The following PTPRN2 variants were observed in gnomAD, a reference collection of about 807,000 sequenced individuals.
PTPRN2 encodes receptor-type tyrosine-protein phosphatase N2.
PTPRN2 carries 74 observed loss-of-function variants against 118.8 expected under a neutral mutation model. The observed-to-expected ratio is 0.62, with a 90% CI of 0.52 to 0.76. PTPRN2 has a LOEUF of 0.76. PTPRN2 is among the 30% of genes least tolerant of loss of function. The probability of loss-of-function intolerance (pLI) is 0.00; values close to 1 mark genes in which losing one functional copy is unlikely to be tolerated. For missense variants in PTPRN2, 1,481 were observed against 1,394.4 expected, an observed-to-expected ratio of 1.06 and a Z score of -0.99; for synonymous variants, 641 against 608.0, an observed-to-expected ratio of 1.05 and a Z score of -0.80.
intron 3 of PTPRN2, among the ~76,000 whole-genome samples, chr7:158,315,829 CAAAG>C (rs1172559661): frequency 6.6e-6 from 1 of 152,224 alleles, no homozygotes; most frequent in African/African-American, 2.4e-5. Flanking sequence ...GAATGTTCTC[CAAAG>C]AGTGACCTCA....
chr7:158,175,968 C>T (rs887519128), intron 5 of PTPRN2, among the ~76,000 whole-genome samples: 3 of 151,842 alleles, frequency 2.0e-5, no homozygotes, highest in East Asian at 3.9e-4. Context: ...GATCTCACCC[C>T]GCCCTGCTGA....
At chr7:157,917,316 G>C (rs1798461232) in intron 11 of PTPRN2, among the ~76,000 whole-genome samples, 1 of 152,262 alleles carries the variant, frequency 6.6e-6, no homozygotes, top group South Asian at 2.1e-4. Flanking sequence ...CATTGGCGTG[G>C]AGCATTTGAA....
chr7:158,506,875 G>A (rs1822787407), intron 1 of PTPRN2, among the ~76,000 whole-genome samples: 1 of 152,184 alleles, frequency 6.6e-6, no homozygotes, highest in Non-Finnish European at 1.5e-5. Flanking sequence ...CAGGATGGCA[G>A]GTGCATGGGC....
intron 3 of PTPRN2, among the ~76,000 whole-genome samples, chr7:158,273,404 G>A (rs1798647278): frequency 7.2e-6 from 1 of 139,240 alleles, no homozygotes; most frequent in African/African-American, 2.8e-5. Context: ...AGACACGGGA[G>A]GAGCCGCAGA....
At chr7:157,818,399 T>TG (rs111405088) in intron 12 of PTPRN2, among the ~76,000 whole-genome samples, 13,988 of 151,786 alleles carry the variant, frequency 0.092, 2,148 homozygotes, top group African/African-American at 0.32. Flanking sequence ...CAGAGATGGG[T>TG]GGGGTCATTG....
chr7:158,143,044 C>A (rs1173275784), intron 6 of PTPRN2, among the ~76,000 whole-genome samples: 2 of 152,222 alleles, frequency 1.3e-5, no homozygotes, highest in African/African-American at 2.4e-5. Flanking sequence ...CCAGAGCAAC[C>A]TTTTCATTCT....
At chr7:157,839,655 G>T (rs1348540978) in intron 12 of PTPRN2, among the ~76,000 whole-genome samples, 3 of 151,664 alleles carry the variant, frequency 2.0e-5, no homozygotes, top group African/African-American at 7.3e-5. Context: ...GCTATGTGTA[G>T]TGTGTGTGAC....
At chr7:157,726,905 C>T (rs745986831) in intron 12 of PTPRN2, among the ~76,000 whole-genome samples, 9 of 152,186 alleles carry the variant, frequency 5.9e-5, no homozygotes, top group East Asian at 1.9e-4. Flanking sequence ...CAGGCAGAGG[C>T]GCTTGGCGTC....
chr7:157,645,586 A>C (rs1469059935), intron 14 of PTPRN2, among the ~76,000 whole-genome samples: 1 of 152,262 alleles, frequency 6.6e-6, no homozygotes, highest in Non-Finnish European at 1.5e-5. Context: ...ACTAGGAGAC[A>C]GTAAATTTCT....
intron 1 of PTPRN2, among the ~76,000 whole-genome samples, chr7:158,511,182 G>A (rs1436268056): frequency 6.6e-6 from 1 of 152,162 alleles, no homozygotes; most frequent in African/African-American, 2.4e-5. Flanking sequence ...TACCCTTCAT[G>A]CTCTTACCTT....
At chr7:157,555,055 C>T (rs1407140546) in intron 21 of PTPRN2, among the ~76,000 whole-genome samples, 1 of 149,278 alleles carries the variant, frequency 6.7e-6, no homozygotes, top group Non-Finnish European at 1.5e-5. Context: ...GCCTGGGACA[C>T]CCAGGAAGAC....
chr7:158,559,807 G>A (rs1784875092), intron 1 of PTPRN2, among the ~76,000 whole-genome samples: 1 of 152,172 alleles, frequency 6.6e-6, no homozygotes, highest in South Asian at 2.1e-4. Flanking sequence ...GAGGTGAGGC[G>A]ATGTCAAAGA....
At chr7:157,762,785 C>T (rs1409820982) in intron 12 of PTPRN2, among the ~76,000 whole-genome samples, 1 of 151,952 alleles carries the variant, frequency 6.6e-6, no homozygotes, top group Non-Finnish European at 1.5e-5. Flanking sequence ...TTTTCAGAGC[C>T]AAAGGAGAGA....
chr7:157,578,615 G>A (rs560601088), intron 17 of PTPRN2, among the ~76,000 whole-genome samples: 1 of 152,346 alleles, frequency 6.6e-6, no homozygotes, highest in Admixed American at 6.5e-5. Flanking sequence ...AAGCAGTACT[G>A]CACTGCTGCA....
intron 4 of PTPRN2, among the ~76,000 whole-genome samples, chr7:158,196,344 C>A (rs1285627340): frequency 2.6e-5 from 4 of 152,216 alleles, no homozygotes; most frequent in South Asian, 2.1e-4. Context: ...GGCCACTGAG[C>A]ACCACTGTCC....
At chr7:157,999,706 C>T (rs922636817) in intron 11 of PTPRN2, among the ~76,000 whole-genome samples, 1 of 152,084 alleles carries the variant, frequency 6.6e-6, no homozygotes, top group Non-Finnish European at 1.5e-5. Flanking sequence ...TAACGAGTTC[C>T]GTAACTGGAA....
At chr7:158,154,140 A>G (rs971319388) in intron 6 of PTPRN2, among the ~76,000 whole-genome samples, 1 of 152,246 alleles carries the variant, frequency 6.6e-6, no homozygotes, top group African/African-American at 2.4e-5. Context: ...ACAGGCAGGG[A>G]ATGTCAGGGC....
chr7:157,883,118 A>C (rs1796243328), intron 12 of PTPRN2, among the ~76,000 whole-genome samples: 3 of 149,408 alleles, frequency 2.0e-5, no homozygotes, highest in African/African-American at 2.5e-5. Flanking sequence ...CTGTCAGGAC[A>C]CCACCCCAAA....
At chr7:158,423,522 A>G (rs746506453) in intron 2 of PTPRN2, among the ~76,000 whole-genome samples, 2 of 146,694 alleles carry the variant, frequency 1.4e-5, no homozygotes, top group Non-Finnish European at 3.0e-5. Context: ...CTCAGAGATT[A>G]GCCCCTCTGG....
Sources: allele counts gnomAD v4.1 joint callset (sites outside exome capture counted in the v4.1 genomes callset), GRCh38; gene constraint gnomAD v4.1.1; transcripts MANE v1.5; gene names NCBI Gene and HGNC (gene_info 2026-07-23, HGNC 2026-07-21).